Variants in NKAIN3 observed in about 807,000 individuals in gnomAD.
NKAIN3 encodes sodium/potassium transporting ATPase interacting 3.
Under a neutral mutation model 30.2 loss-of-function variants are expected in NKAIN3, and 25 were observed. The ratio of observed to expected loss-of-function variants is 0.83; its 90% CI spans 0.60 to 1.16. The LOEUF (loss-of-function observed/expected upper bound fraction) is 1.16. Among genes scored for constraint, NKAIN3 ranks in the 50% most tolerant of loss-of-function variants. The pLI, the probability that NKAIN3 is intolerant of heterozygous loss-of-function variation, is 0.00. For missense variants in NKAIN3, 225 were observed against 254.1 expected, an observed-to-expected ratio of 0.89 and a Z score of 0.78; for synonymous variants, 91 against 89.6, an observed-to-expected ratio of 1.02 and a Z score of -0.09.
At chr8:62,463,785 T>G (rs1197873157) in intron 1 of NKAIN3, among the ~76,000 whole-genome samples, 2 of 152,222 alleles carry the variant, frequency 1.3e-5, no homozygotes, top group Non-Finnish European at 2.9e-5. Context: ...TAAAGTTTAA[T>G]TTATAAATTA....
At chr8:62,538,842 G>A (rs1421067053) in intron 1 of NKAIN3, among the ~76,000 whole-genome samples, 1 of 152,118 alleles carries the variant, frequency 6.6e-6, no homozygotes, top group Non-Finnish European at 1.5e-5. Context: ...TTGAGAAATT[G>A]AACATATGCA....
chr8:62,377,115 G>A (rs1248462530), intron 1 of NKAIN3, among the ~76,000 whole-genome samples: 3 of 152,032 alleles, frequency 2.0e-5, no homozygotes, highest in African/African-American at 7.2e-5. Flanking sequence ...TAGACTAAAA[G>A]CACATTTTAC....
chr8:62,730,871 C>T (rs568214124), intron 3 of NKAIN3, among the ~76,000 whole-genome samples: 105 of 152,082 alleles, frequency 6.9e-4, no homozygotes, highest in African/African-American at 2.4e-3. Context: ...AGATTTTCTG[C>T]GTTTATTTTT....
intron 1 of NKAIN3, among the ~76,000 whole-genome samples, chr8:62,407,781 C>T (rs1804120670): frequency 6.6e-6 from 1 of 152,128 alleles, no homozygotes; most frequent in African/African-American, 2.4e-5. Context: ...CCTGTAATTG[C>T]ATTGGTTTAG....
chr8:62,480,332 T>C (rs979497838), intron 1 of NKAIN3, among the ~76,000 whole-genome samples: 3 of 152,190 alleles, frequency 2.0e-5, no homozygotes, highest in African/African-American at 7.2e-5. Flanking sequence ...GTGGTAATCA[T>C]TTAAGAATGC....
chr8:62,309,936 A>G (rs1814374204), intron 1 of NKAIN3, among the ~76,000 whole-genome samples: 1 of 150,316 alleles, frequency 6.7e-6, no homozygotes, highest in East Asian at 1.9e-4. Flanking sequence ...GCTTGGAACT[A>G]TATATCTCAC....
At chr8:62,951,899 C>A (rs1237845657) in intron 5 of NKAIN3, among the ~76,000 whole-genome samples, 1 of 152,158 alleles carries the variant, frequency 6.6e-6, no homozygotes, top group African/African-American at 2.4e-5. Flanking sequence ...CTCCCAGGTT[C>A]TAGCAATTCT....
intron 1 of NKAIN3, among the ~76,000 whole-genome samples, chr8:62,324,163 C>A (rs1235429341): frequency 1.3e-5 from 2 of 151,734 alleles, no homozygotes; most frequent in East Asian, 3.9e-4. Context: ...AAATGTACCA[C>A]AATGTTGCTA....
chr8:62,808,816 A>G (rs1818389423), intron 4 of NKAIN3, among the ~76,000 whole-genome samples: 1 of 152,126 alleles, frequency 6.6e-6, no homozygotes. Flanking sequence ...CTGGGCATGC[A>G]TTGTCATTGA....
chr8:62,840,157 C>A (rs74543162), intron 4 of NKAIN3, among the ~76,000 whole-genome samples: 1,533 of 152,120 alleles, frequency 0.01, 14 homozygotes, highest in South Asian at 0.056. Context: ...CTAGGAGAAA[C>A]AAATATATTT....
intron 4 of NKAIN3, among the ~76,000 whole-genome samples, chr8:62,837,739 A>C (rs1358591127): frequency 6.6e-6 from 1 of 152,108 alleles, no homozygotes; most frequent in African/African-American, 2.4e-5. Context: ...CTTTGGGGTT[A>C]CTGAGGAACA....
intron 1 of NKAIN3, among the ~76,000 whole-genome samples, chr8:62,480,664 G>A (rs1257233010): frequency 6.6e-6 from 1 of 151,614 alleles, no homozygotes. Context: ...TGAAAAAAAG[G>A]CCCTAGATTT....
At chr8:62,329,543 C>T (rs1200022676) in intron 1 of NKAIN3, among the ~76,000 whole-genome samples, 1 of 152,102 alleles carries the variant, frequency 6.6e-6, no homozygotes. Flanking sequence ...TCTTTGCAAT[C>T]ATGTGTATTC....
chr8:62,465,300 C>T (rs1244090728), intron 1 of NKAIN3, among the ~76,000 whole-genome samples: 2 of 152,092 alleles, frequency 1.3e-5, no homozygotes, highest in Non-Finnish European at 2.9e-5. Context: ...TGTAATTCAA[C>T]CTGACTATCC....
chr8:62,482,182 GCTTT>G (rs1322722814), intron 1 of NKAIN3: 4 of 152,130 alleles, frequency 2.6e-5, no homozygotes, highest in African/African-American at 9.7e-5. Context: ...ACATGTCTTT[GCTTT>G]CTTTATTTTT....
At chr8:62,294,128 C>T (rs142018129) in intron 1 of NKAIN3, among the ~76,000 whole-genome samples, 56 of 152,246 alleles carry the variant, frequency 3.7e-4, no homozygotes, top group African/African-American at 1.1e-3. Flanking sequence ...TTCCAGGTAC[C>T]GTCTGTCACG....
chr8:62,554,060 G>A (rs1809309017), intron 1 of NKAIN3, among the ~76,000 whole-genome samples: 1 of 152,126 alleles, frequency 6.6e-6, no homozygotes, highest in Non-Finnish European at 1.5e-5. Flanking sequence ...AAGCACATCA[G>A]TGAAATTTTG....
intron 4 of NKAIN3, chr8:62,863,857 A>G (rs1432577800): frequency 6.4e-7 from 1 of 1,574,696 alleles, no homozygotes; most frequent in Non-Finnish European, 8.7e-7. Context: ...GATGATAGCC[A>G]CCTTTGCAGT....
intron 4 of NKAIN3, among the ~76,000 whole-genome samples, chr8:62,753,229 C>G (rs1436634317): frequency 6.6e-6 from 1 of 150,486 alleles, no homozygotes; most frequent in Non-Finnish European, 1.5e-5. Flanking sequence ...CACACACACA[C>G]ACACGCACGC....
Sources: allele counts gnomAD v4.1 joint callset (sites outside exome capture counted in the v4.1 genomes callset), GRCh38; gene constraint gnomAD v4.1.1; transcripts MANE v1.5; gene names NCBI Gene and HGNC (gene_info 2026-07-23, HGNC 2026-07-21).